COL21A1: variants seen among roughly 807,000 people sequenced by gnomAD.
COL21A1 encodes collagen alpha-1(XXI) chain.
In COL21A1, 149 loss-of-function variants were observed where a neutral mutation model predicts 137.9. The ratio of observed to expected loss-of-function variants is 1.08; its 90% CI spans 0.95 to 1.24. The LOEUF (loss-of-function observed/expected upper bound fraction) is 1.24, where lower values mean the gene tolerates loss of function less well. Ranked by LOEUF, COL21A1 falls within the 50% of genes most tolerant of loss-of-function variation. The pLI, the probability that COL21A1 is intolerant of heterozygous loss-of-function variation, is 0.00. For synonymous variants in COL21A1, 456 were observed against 391.5 expected, an observed-to-expected ratio of 1.16 and a Z score of -1.95; for missense variants, 1,167 against 1,158.4, an observed-to-expected ratio of 1.01 and a Z score of -0.11.
intron 17 of COL21A1, among the ~76,000 whole-genome samples, chr6:56,087,470 T>C (rs1479163410): frequency 1.3e-5 from 2 of 152,176 alleles, no homozygotes; most frequent in East Asian, 3.8e-4. Context: ...CTGGAGACAT[T>C]GTCTAATATC....
intron 8 of COL21A1, 77 bp downstream of exon 8, chr6:56,164,737 T>TA: frequency 8.6e-7 from 1 of 1,167,936 alleles, no homozygotes; most frequent in East Asian, 2.4e-5. Flanking sequence ...TATACATACT[T>TA]ACAGTTGTTG....
At chr6:56,222,082 G>A (rs1780865958) in intron 1 of COL21A1, among the ~76,000 whole-genome samples, 1 of 152,088 alleles carries the variant, frequency 6.6e-6, no homozygotes, top group Non-Finnish European at 1.5e-5. Flanking sequence ...AGACCAGCCT[G>A]ACCAACATGG....
In COL21A1 at chr6:56,377,795, C is replaced by T. The variant is rs576077243; in HGVS notation, c.-39+16176G>A. 2.0e-5 allele frequency among the ~76,000 whole-genome samples: 3 copies of T among 148,094 alleles called. No individual in the cohort carries two copies. The South Asian group carries it at 6.3e-4, about 31-fold the overall frequency. ...TCCTAATTCCAGGCTGCACAGTTTGCAGCTCCAAAAGAGATATGTTCCTTC... is the reference window on the plus strand; with the variant it reads ...TCCTAATTCCAGGCTGCACAGTTTGTAGCTCCAAAAGAGATATGTTCCTTC... On this transcript the variant is annotated intron_variant, in intron 1 of 28. Coordinates refer to the COL21A1 transcript ENST00000370819.
chr6:56,166,355 G>A (rs760444159), intron 7 of COL21A1, among the ~76,000 whole-genome samples: 5 of 152,002 alleles, frequency 3.3e-5, no homozygotes, highest in Admixed American at 6.6e-5. Flanking sequence ...ATAGACGACG[G>A]GGAAAAACAT....
chr6:56,294,222 C>G (rs1764115129), intron 1 of COL21A1, among the ~76,000 whole-genome samples: 1 of 152,042 alleles, frequency 6.6e-6, no homozygotes, highest in African/African-American at 2.4e-5. Flanking sequence ...ATCTCTACTG[C>G]CTTTGTGAAT....
chr6:56,318,225 T>C (rs1764786181), intron 1 of COL21A1, among the ~76,000 whole-genome samples: 1 of 152,198 alleles, frequency 6.6e-6, no homozygotes, highest in Non-Finnish European at 1.5e-5. Flanking sequence ...TCTTCTTCTT[T>C]ATATTCTCTT....
chr6:56,230,083 C>T (rs12202897), intron 1 of COL21A1, among the ~76,000 whole-genome samples: 8 of 151,804 alleles, frequency 5.3e-5, no homozygotes, highest in South Asian at 2.1e-4. Flanking sequence ...ATACATATTT[C>T]GAATAAATAC....
rs116103051 is a variant in COL21A1, at chr6:56,279,423, A to C, written c.-38-96767T>G. 5.3e-3 allele frequency among the ~76,000 whole-genome samples: 810 copies of C among 152,318 alleles called. 9 individuals are homozygous for C. The highest frequency in any genetic ancestry group is 0.019 in the African/African-American group (785 of 41,564). ...ACAGTTTGTGGTGAAGTTGGCTGCT[A>C]GGCATCTTTGCCTGGGACTCCTGTA... On this transcript the variant is annotated intron_variant, in intron 1 of 28. Transcript: ENST00000370819.
At chr6:56,345,564 T>C (rs1230748507) in intron 1 of COL21A1, among the ~76,000 whole-genome samples, 1 of 152,156 alleles carries the variant, frequency 6.6e-6, no homozygotes, top group Non-Finnish European at 1.5e-5. Flanking sequence ...TCCCACTACA[T>C]GACAATGAAA....
At chr6:56,173,778 T>G (rs1367003144) in intron 3 of COL21A1, among the ~76,000 whole-genome samples, 1 of 151,994 alleles carries the variant, frequency 6.6e-6, no homozygotes, top group African/African-American at 2.4e-5. Flanking sequence ...CAATAATGAT[T>G]AGAACATTCA....
At chr6:56,262,414 C>T (rs1763300364) in intron 1 of COL21A1, among the ~76,000 whole-genome samples, 1 of 152,080 alleles carries the variant, frequency 6.6e-6, no homozygotes, top group South Asian at 2.1e-4. Flanking sequence ...AAGCCAATGA[C>T]ATGGTATCTT....
chr6:56,333,246 GT>G (rs1765269164), intron 1 of COL21A1, among the ~76,000 whole-genome samples: 1 of 152,000 alleles, frequency 6.6e-6, no homozygotes, highest in Admixed American at 6.6e-5. Flanking sequence ...ACCTGCAAAA[GT>G]TTCCTGTGTT....
At chr6:56,319,630 G>A (rs540327837) in intron 1 of COL21A1, among the ~76,000 whole-genome samples, 1 of 152,294 alleles carries the variant, frequency 6.6e-6, no homozygotes, top group East Asian at 1.9e-4. Context: ...GAGCCACTGG[G>A]CCCGGCCTTT....
At chr6:56,161,605 A>G (rs192170036) in intron 9 of COL21A1, among the ~76,000 whole-genome samples, 68 of 152,342 alleles carry the variant, frequency 4.5e-4, no homozygotes, top group Admixed American at 1.0e-3. Flanking sequence ...ATTGTGAACA[A>G]AAGAAGGGCT....
rs1770038859 is a variant in COL21A1 at position 56,098,620 on chromosome 6, TATATAAATATATATATAAATATATATAA to T, written c.1812+2824_1812+2851del. Among the ~76,000 whole-genome samples the T allele has an allele frequency of 8.5e-5, 5 of 59,154 alleles. 1 individual carries two copies. The highest frequency in any genetic ancestry group is 1.3e-3 in the East Asian group (2 of 1,486). The allele number at this position is 59,154 out of a possible 152,430, so 38.8% of individuals were successfully genotyped here. A position where few individuals can be genotyped will look rare whatever the true frequency, so the allele number is the denominator to read the frequency against. On this transcript the variant is annotated intron_variant, in intron 17 of 29. Transcript: ENST00000244728. Reference sequence around the variant, plus strand: ...ATATATATATAAATATATATAAATATATATAAATATATATATAAATATATATAAATATATAAATATATATAAATATATA... The same window carrying T: ...ATATATATATAAATATATATAAATATATATATAAATATATATAAATATATA...
chr6:56,311,221 A>G (rs1172390069), intron 1 of COL21A1, among the ~76,000 whole-genome samples: 1 of 152,232 alleles, frequency 6.6e-6, no homozygotes, highest in Non-Finnish European at 1.5e-5. Context: ...TAAACCAGAG[A>G]TTACAATTCT....
chr6:56,149,837 C>T (rs1234819452), intron 10 of COL21A1, among the ~76,000 whole-genome samples: 1 of 152,226 alleles, frequency 6.6e-6, no homozygotes, highest in Non-Finnish European at 1.5e-5. Flanking sequence ...AGCCTCCTGA[C>T]TTCTCCTTCT....
chr6:56,237,318 A>C (rs1326700267), intron 1 of COL21A1, among the ~76,000 whole-genome samples: 1 of 152,094 alleles, frequency 6.6e-6, no homozygotes, highest in African/African-American at 2.4e-5. Flanking sequence ...CTGTCTAAGC[A>C]TTGGCAATAC....
intron 1 of COL21A1, among the ~76,000 whole-genome samples, chr6:56,316,600 G>T (rs925065426): frequency 1.4e-5 from 2 of 141,458 alleles, no homozygotes; most frequent in Non-Finnish European, 3.0e-5. Context: ...TTGTGCCTCC[G>T]CCTCCCAAGT....
Sources: gnomAD v4.1 joint callset for allele counts (sites outside exome capture counted in the v4.1 genomes callset) on GRCh38, gnomAD v4.1.1 for gene constraint, MANE v1.5 for transcripts, NCBI Gene and HGNC (gene_info 2026-07-23, HGNC 2026-07-21) for gene names.